PRKCE: variants seen among roughly 807,000 people sequenced by gnomAD.
PRKCE encodes protein kinase C epsilon type.
Under a neutral mutation model 85.4 loss-of-function variants are expected in PRKCE, and 16 were observed. That is an observed-to-expected ratio of 0.19 (90% CI 0.13 to 0.28). PRKCE has a LOEUF of 0.28. Among genes scored for constraint, PRKCE ranks in the 10% least tolerant of loss-of-function variants. PRKCE has a pLI of 1.00. For missense variants in PRKCE, 573 were observed against 975.2 expected, an observed-to-expected ratio of 0.59 and a Z score of 5.49; for synonymous variants, 388 against 371.5, an observed-to-expected ratio of 1.04 and a Z score of -0.51.
chr2:45,675,224 C>G (rs1015889734), intron 1 of PRKCE: 3 of 152,366 alleles, frequency 2.0e-5, no homozygotes, highest in Admixed American at 6.5e-5. Context: ...AAGCCGTCTC[C>G]TTTCCAGAAA....
At chr2:45,821,135 C>G (rs952950378) in intron 1 of PRKCE, among the ~76,000 whole-genome samples, 1 of 152,182 alleles carries the variant, frequency 6.6e-6, no homozygotes, top group African/African-American at 2.4e-5. Flanking sequence ...CTCTTGTACC[C>G]TATCTCACAG....
chr2:46,128,249 C>T (rs1219083006), intron 11 of PRKCE, among the ~76,000 whole-genome samples: 1 of 151,976 alleles, frequency 6.6e-6, no homozygotes, highest in Non-Finnish European at 1.5e-5. Flanking sequence ...AGTAGATATT[C>T]GAATCTGTTT....
At chr2:45,820,364 T>C (rs1689432425) in intron 1 of PRKCE, among the ~76,000 whole-genome samples, 1 of 151,678 alleles carries the variant, frequency 6.6e-6, no homozygotes, top group Non-Finnish European at 1.5e-5. Flanking sequence ...GGGTAATAGA[T>C]TCGAGGTGGA....
chr2:45,955,838 C>G (rs1396651950), intron 2 of PRKCE, among the ~76,000 whole-genome samples: 1 of 152,078 alleles, frequency 6.6e-6, no homozygotes, highest in Admixed American at 6.6e-5. Flanking sequence ...GTAAACTTCA[C>G]CTTTTAGCAT....
At chr2:46,033,998 A>G (rs1707703358) in intron 10 of PRKCE, among the ~76,000 whole-genome samples, 1 of 152,232 alleles carries the variant, frequency 6.6e-6, no homozygotes, top group African/African-American at 2.4e-5. Context: ...AGGCTTTCTA[A>G]TGTACCTAAA....
intron 10 of PRKCE, among the ~76,000 whole-genome samples, chr2:46,049,100 T>C (rs1378888585): frequency 2.0e-5 from 3 of 152,190 alleles, no homozygotes; most frequent in East Asian, 1.9e-4. Flanking sequence ...ATAGTCAGAA[T>C]TGAAAGGCAG....
chr2:45,975,555 C>A (rs1702392565), intron 2 of PRKCE, among the ~76,000 whole-genome samples: 2 of 152,190 alleles, frequency 1.3e-5, no homozygotes, highest in African/African-American at 4.8e-5. Flanking sequence ...CTAATTACCT[C>A]CCAAAGGTCC....
intron 14 of PRKCE, among the ~76,000 whole-genome samples, chr2:46,168,316 T>C (rs1678548182): frequency 1.3e-5 from 2 of 152,158 alleles, no homozygotes; most frequent in Admixed American, 1.3e-4. Flanking sequence ...GTAACACACA[T>C]ACAACTCACC....
chr2:46,088,105 T>A (rs1487485657), intron 11 of PRKCE, among the ~76,000 whole-genome samples: 1 of 152,118 alleles, frequency 6.6e-6, no homozygotes, highest in Non-Finnish European at 1.5e-5. Flanking sequence ...CCATATTCTG[T>A]TGGTTAGAGG....
intron 2 of PRKCE, among the ~76,000 whole-genome samples, chr2:45,873,455 C>CAAAAAAAAAAAAAAAAAAA (rs56281653): frequency 1.4e-5 from 2 of 143,826 alleles, no homozygotes; most frequent in Non-Finnish European, 1.5e-5. Flanking sequence ...TAGTAGACTG[C>CAAAAAAAAAAAAAAAAAAA]AAAAAAAAAA....
intron 10 of PRKCE, among the ~76,000 whole-genome samples, chr2:46,030,188 A>T (rs1200510263): frequency 1.3e-5 from 2 of 152,216 alleles, no homozygotes; most frequent in Admixed American, 6.5e-5. Flanking sequence ...TATTCTAGGC[A>T]TCCACCTTGA....
intron 11 of PRKCE, among the ~76,000 whole-genome samples, chr2:46,112,614 G>A (rs1310772773): frequency 6.6e-6 from 1 of 151,978 alleles, no homozygotes; most frequent in Non-Finnish European, 1.5e-5. Flanking sequence ...CACCACCCGG[G>A]TTCAGGCAAT....
At chr2:46,131,670 G>T (rs923057982) in intron 11 of PRKCE, among the ~76,000 whole-genome samples, 1 of 152,188 alleles carries the variant, frequency 6.6e-6, no homozygotes, top group Non-Finnish European at 1.5e-5. Context: ...GATCCTTCTT[G>T]GTTGGAAGAC....
Position 45,993,982 on chromosome 2 carries a change from G to A in PRKCE, c.824-7422G>A, listed in dbSNP as rs964923369. ...TAGCCCAATGGGCATCTTGGGTTCA[G>A]TAGCTCAGTTGAACTGTCCAGGCTG... On this transcript the variant is annotated intron_variant, in intron 6 of 14. Transcript: ENST00000306156. Among the ~76,000 whole-genome samples the A allele has an allele frequency of 4.6e-5, 7 of 152,138 alleles. No homozygotes were observed. In the East Asian group the frequency reaches 1.4e-3, roughly 29 times the overall value.
intron 2 of PRKCE, among the ~76,000 whole-genome samples, chr2:45,846,006 A>T (rs1691758777): frequency 6.6e-6 from 1 of 152,194 alleles, no homozygotes; most frequent in Admixed American, 6.5e-5. Flanking sequence ...GGTGCTAGGC[A>T]CTTTACCTAC....
At chr2:46,179,994 A>C (rs1174735760) in intron 14 of PRKCE, among the ~76,000 whole-genome samples, 2 of 152,192 alleles carry the variant, frequency 1.3e-5, no homozygotes, top group African/African-American at 4.8e-5. Context: ...ATATCTATGG[A>C]GTATGCAGTA....
intron 2 of PRKCE, among the ~76,000 whole-genome samples, chr2:45,889,194 G>A (rs923265230): frequency 6.6e-6 from 1 of 152,150 alleles, no homozygotes; most frequent in African/African-American, 2.4e-5. Flanking sequence ...TTGGGGGAGG[G>A]AAACACGCTG....
intron 1 of PRKCE, among the ~76,000 whole-genome samples, chr2:45,710,072 A>T (rs1034437412): frequency 6.6e-6 from 1 of 152,228 alleles, no homozygotes; most frequent in Admixed American, 6.5e-5. Context: ...CTGGGATTAC[A>T]GGCTTAGGCT....
At chr2:45,961,529 C>T (rs1457747231) in intron 2 of PRKCE, among the ~76,000 whole-genome samples, 1 of 152,170 alleles carries the variant, frequency 6.6e-6, no homozygotes, top group African/African-American at 2.4e-5. Context: ...TCACTTGGCA[C>T]ATTTCACACC....
Sources: allele counts gnomAD v4.1 joint callset (sites outside exome capture counted in the v4.1 genomes callset), GRCh38; gene constraint gnomAD v4.1.1; transcripts MANE v1.5; gene names NCBI Gene and HGNC (gene_info 2026-07-23, HGNC 2026-07-21).